The following GNL3L variants were observed in gnomAD, a reference collection of about 807,000 sequenced individuals.
GNL3L encodes G protein nucleolar 3 like, also known as guanine nucleotide-binding protein-like 3-like protein.
In GNL3L, 4 loss-of-function variants were observed where a neutral mutation model predicts 42.9. That is an observed-to-expected ratio of 0.09 (90% CI 0.05 to 0.21). The LOEUF is 0.21. GNL3L is among the 10% of genes least tolerant of loss of function. The probability of loss-of-function intolerance (pLI) is 1.00; values close to 1 mark genes in which losing one functional copy is unlikely to be tolerated. For missense variants in GNL3L, 412 were observed against 481.7 expected, an observed-to-expected ratio of 0.86 and a Z score of 1.36; for synonymous variants, 159 against 176.3, an observed-to-expected ratio of 0.90 and a Z score of 0.78.
At position 54,563,479 on chromosome X, in the gene GNL3L, G is replaced by A. The variant is rs969456602; in HGVS notation, c.*2877G>A. 2.7e-5 allele frequency among the ~76,000 whole-genome samples: 3 copies of A among 111,617 alleles called. No individual in the cohort carries two copies. In the Admixed American group the frequency reaches 2.9e-4, roughly 11 times the overall value. ...AATCAAACAGAACTAAAGTAGTCAT[G>A]TCGGTAAGAATTTGGGACTGCAGGC... On this transcript the variant is annotated 3_prime_UTR_variant, in exon 16 of 16. Transcript: ENST00000360845.
At chrX:54,570,354 T>A (rs180842039), downstream of GNL3L, among the ~76,000 whole-genome samples, 45 of 112,349 alleles carry the variant, frequency 4.0e-4, no homozygotes, top group Middle Eastern at 9.3e-3. Flanking sequence ...CTAGTATAAA[T>A]ATAGCTGCTG....
chrX:54,588,799 AT>A (rs1273194299), intron 16 of GNL3L, among the ~76,000 whole-genome samples: 1 of 112,191 alleles, frequency 8.9e-6, no homozygotes, highest in Non-Finnish European at 1.9e-5. Flanking sequence ...CTCAAAAAAA[AT>A]AAAAAATAAA....
At chrX:54,635,057 G>T in the GNL3L span, among the ~76,000 whole-genome samples, 2 of 110,588 alleles carry the variant, frequency 1.8e-5, no homozygotes, top group East Asian at 5.7e-4. Flanking sequence ...CTCCCAAAGT[G>T]CTGGGATTAC....
chrX:54,640,427 T>G, the GNL3L span, among the ~76,000 whole-genome samples: 47 of 112,353 alleles, frequency 4.2e-4, no homozygotes, highest in African/African-American at 1.5e-3. Context: ...CACACAACCC[T>G]GCATCCTTAG....
At chrX:54,583,456 A>C (rs1400952382) in intron 16 of GNL3L, among the ~76,000 whole-genome samples, 1 of 110,858 alleles carries the variant, frequency 9.0e-6, no homozygotes, top group East Asian at 2.8e-4. Flanking sequence ...GGCCTCCTAA[A>C]GTGCTGGGAT....
intron 16 of GNL3L, among the ~76,000 whole-genome samples, chrX:54,610,305 G>A (rs1926147375): frequency 9.0e-6 from 1 of 111,330 alleles, no homozygotes; most frequent in African/African-American, 3.3e-5. Context: ...AACAGTGACA[G>A]TTTGACTTCC....
intron 16 of GNL3L, among the ~76,000 whole-genome samples, chrX:54,572,725 C>T (rs903537440): frequency 1.0e-4 from 11 of 110,045 alleles, no homozygotes; most frequent in South Asian, 3.9e-4. Context: ...AGCTGCCGGG[C>T]GGAGATGCTC....
At chrX:54,536,833 G>A (rs1329684319) in intron 2 of GNL3L, among the ~76,000 whole-genome samples, 1 of 105,871 alleles carries the variant, frequency 9.4e-6, no homozygotes, top group African/African-American at 3.5e-5. Context: ...AGGGAGAGAC[G>A]AAAGAAAGGA....
At chrX:54,552,596 T>C (rs1448442766) in intron 13 of GNL3L, among the ~76,000 whole-genome samples, 168 bp downstream of exon 13, 1 of 111,969 alleles carries the variant, frequency 8.9e-6, no homozygotes, top group African/African-American at 3.2e-5. Context: ...TGGGGAATTC[T>C]AATCTGGCCC....
chrX:54,566,174 C>G lies in GNL3L; in HGVS notation c.*5572C>G, dbSNP rs1925422829. 9.0e-6 allele frequency among the ~76,000 whole-genome samples: 1 copy of G among 111,193 alleles called. No homozygotes were observed. Among genetic ancestry groups the G allele is most frequent in the Non-Finnish European group, 1.9e-5 (1 of 53,123 alleles). On this transcript the variant is annotated 3_prime_UTR_variant, in exon 16 of 16. Coordinates refer to ENST00000360845, the MANE Select transcript of GNL3L (RefSeq NM_001184819.2). ...GTGTCTTTTTTTCATTATGGGAAAG[C>G]TTTATTGACACATTTGTTTTTATTT...
chrX:54,637,380 G>A, the GNL3L span, among the ~76,000 whole-genome samples: 1,656 of 111,929 alleles, frequency 0.015, 10 homozygotes, highest in South Asian at 0.028. Flanking sequence ...CTTGTGTACC[G>A]CTAGAAGTGT....
chrX:54,539,044 TA>T lies in GNL3L; in HGVS notation c.29del (p.Lys10SerfsTer12). 1 of 1,130,711 alleles carries T rather than the reference TA, an allele frequency of 8.8e-7. No individual in the cohort carries two copies. Among genetic ancestry groups the T allele is most frequent in the Non-Finnish European group, 1.2e-6 (1 of 832,272 alleles). 93.2% of individuals were successfully genotyped at this position (1,130,711 alleles called of 1,213,427 possible). A position where few individuals can be genotyped will look rare whatever the true frequency, so the allele number is the denominator to read the frequency against. ...TTTCTTTTTTTTCTTTTGTAGAAAA[TA>T]AAAAGCCAGGTGAAGGTTCCAAGGG... MMKLRHKN[K>X]KPGEGSKGHK... On this transcript the variant is annotated frameshift_variant, in exon 3 of 16. Transcript: ENST00000360845. LOFTEE classifies it high-confidence loss of function.
intron 16 of GNL3L, among the ~76,000 whole-genome samples, chrX:54,592,854 G>A (rs1207525790): frequency 9.0e-6 from 1 of 110,562 alleles, no homozygotes; most frequent in Non-Finnish European, 1.9e-5. Flanking sequence ...TTTATCAAAT[G>A]GTTTCTAAAC....
chrX:54,593,165 C>T (rs1206170100), intron 16 of GNL3L, among the ~76,000 whole-genome samples: 1 of 111,588 alleles, frequency 9.0e-6, no homozygotes, highest in East Asian at 2.8e-4. Context: ...ATTTTCTCCT[C>T]CTCTATTTTT....
chrX:54,594,829 A>G (rs1420261646), intron 16 of GNL3L, among the ~76,000 whole-genome samples: 1 of 111,207 alleles, frequency 9.0e-6, no homozygotes, highest in African/African-American at 3.3e-5. Context: ...TACCTTATTA[A>G]CCCATTATTT....
chrX:54,630,738 T>TTC, the GNL3L span, among the ~76,000 whole-genome samples: 1,856 of 67,268 alleles, frequency 0.028, 140 homozygotes, highest in African/African-American at 0.11. Flanking sequence ...CTTTCTTTCT[T>TTC]TCTCTTTCTT....
At chrX:54,631,462 T>C in the GNL3L span, among the ~76,000 whole-genome samples, 1 of 111,161 alleles carries the variant, frequency 9.0e-6, no homozygotes, top group Admixed American at 9.6e-5. Flanking sequence ...AAAGTGCATA[T>C]ATATTTGGGA....
the GNL3L span, among the ~76,000 whole-genome samples, chrX:54,629,124 A>G: frequency 9.2e-6 from 1 of 109,159 alleles, no homozygotes; most frequent in Non-Finnish European, 1.9e-5. Flanking sequence ...GTATCCTGAA[A>G]CTTTACTGAA....
downstream of GNL3L, among the ~76,000 whole-genome samples, chrX:54,625,579 T>C (rs1926350158): frequency 9.0e-6 from 1 of 111,269 alleles, no homozygotes; most frequent in Non-Finnish European, 1.9e-5. Flanking sequence ...TAATATTTTA[T>C]TGAGTACTTG....
Sources: allele counts gnomAD v4.1 joint callset (sites outside exome capture counted in the v4.1 genomes callset), GRCh38; gene constraint gnomAD v4.1.1; transcripts MANE v1.5; gene names NCBI Gene and HGNC (gene_info 2026-07-23, HGNC 2026-07-21).